ZNF599: variants seen among roughly 807,000 people sequenced by gnomAD.
ZNF599 encodes zinc finger protein 599.
In ZNF599, 10 loss-of-function variants were observed where a neutral mutation model predicts 11.7. The ratio of observed to expected loss-of-function variants is 0.86; its 90% CI spans 0.53 to 1.45. The LOEUF (loss-of-function observed/expected upper bound fraction) is 1.45, where lower values mean the gene tolerates loss of function less well. ZNF599 is among the 40% of genes most tolerant of loss of function. The pLI, the probability that ZNF599 is intolerant of heterozygous loss-of-function variation, is 0.00. For synonymous variants in ZNF599, 232 were observed against 253.2 expected (o/e 0.92, Z 0.79); for missense variants, 688 against 713.6 (o/e 0.96, Z 0.41).
chr19:34,807,420 C>T, the ZNF599 span, among the ~76,000 whole-genome samples: 9 of 152,228 alleles, frequency 5.9e-5, no homozygotes, highest in African/African-American at 1.9e-4. Flanking sequence ...AGCACTGACA[C>T]GAGATCACAA....
chr19:34,767,475 G>A, intron 2 of ZNF599, 64 bp from the exon 3 acceptor site: 2 of 1,290,312 alleles, frequency 1.6e-6, no homozygotes, highest in South Asian at 1.2e-5. Context: ...AGTCTGAGGT[G>A]TAAAGGAGTA....
the ZNF599 span, among the ~76,000 whole-genome samples, chr19:34,783,760 A>G: frequency 1.3e-5 from 2 of 152,170 alleles, no homozygotes; most frequent in African/African-American, 2.4e-5. Flanking sequence ...GATACAAACA[A>G]AAGGGCTCAG....
the ZNF599 span, among the ~76,000 whole-genome samples, chr19:34,794,716 A>G: frequency 5.9e-5 from 9 of 151,964 alleles, no homozygotes; most frequent in African/African-American, 1.9e-4. Context: ...GATTACAAGC[A>G]TGCATCACTA....
chr19:34,797,041 C>T, the ZNF599 span, among the ~76,000 whole-genome samples: 3 of 150,996 alleles, frequency 2.0e-5, no homozygotes, highest in Non-Finnish European at 4.4e-5. Flanking sequence ...TCAATTCCCA[C>T]CTATGAGTGA....
chr19:34,778,495 G>T, the ZNF599 span, among the ~76,000 whole-genome samples: 3 of 152,082 alleles, frequency 2.0e-5, no homozygotes, highest in African/African-American at 7.2e-5. Flanking sequence ...GTTTTATCAA[G>T]AAATAGATGT....
chr19:34,759,842 A>G lies in ZNF599; in HGVS notation c.959T>C (p.Phe320Ser). 1.2e-6 allele frequency: 2 copies of G among 1,614,170 alleles called. No homozygotes were observed. The highest frequency in any genetic ancestry group is 1.3e-5 in the African/African-American group (1 of 75,048). The part of the protein sequence containing the change: ...PFLCKECGKA[F>S]YYSSSFAQHM... ...TTGAGCAAATGAGGAGCTGTAGTAA[A>G]AAGCTTTCCCACATTCTTTGCATAA... The change falls in exon 4 of 4, where the codon TTT becomes TCT. Residue 320 changes from phenylalanine (F) to serine (S), a missense_variant. Phe to Ser is a radical substitution (Grantham distance 155, BLOSUM62 -2). Coordinates refer to ENST00000329285, the MANE Select transcript of ZNF599 (RefSeq NM_001007248.3).
At chr19:34,794,511 T>C in the ZNF599 span, among the ~76,000 whole-genome samples, 1 of 152,048 alleles carries the variant, frequency 6.6e-6, no homozygotes, top group Non-Finnish European at 1.5e-5. Context: ...AGAAAACAAG[T>C]CCCACTGATC....
the ZNF599 span, chr19:34,780,146 ATGTGTATGATGATTTCTGCCCTGGG>A: frequency 6.6e-6 from 1 of 152,336 alleles, no homozygotes; most frequent in African/African-American, 2.4e-5. Context: ...CACATACCAC[ATGTGTATGATGATTTCTGCCCTGGG>A]TGTGTTATTT....
At chr19:34,779,474 G>T in the ZNF599 span, 1 of 456,584 alleles carries the variant, frequency 2.2e-6, no homozygotes, top group Non-Finnish European at 4.4e-6. Context: ...TACTGAGGCT[G>T]GGGCTTTGGA....
chr19:34,769,560 G>A lies in ZNF599; in HGVS notation c.19-5C>T. 6.2e-7 allele frequency: 1 copy of A among 1,612,334 alleles called. No individual in the cohort carries two copies. Among genetic ancestry groups the A allele is most frequent in the Non-Finnish European group, 8.5e-7 (1 of 1,178,696 alleles). ...GTCTTCAAATGATACTAATGCCTGGGAAGTCAAACAGAGGTGACAGGTGGC... is the reference window on the plus strand; with the variant it reads ...GTCTTCAAATGATACTAATGCCTGGAAAGTCAAACAGAGGTGACAGGTGGC... On this transcript the variant is annotated splice_region_variant and splice_polypyrimidine_tract_variant and intron_variant, in intron 1 of 3. Coordinates refer to ENST00000329285, the MANE Select transcript of ZNF599 (RefSeq NM_001007248.3).
At chr19:34,787,943 C>T in the ZNF599 span, among the ~76,000 whole-genome samples, 1 of 152,166 alleles carries the variant, frequency 6.6e-6, no homozygotes, top group Non-Finnish European at 1.5e-5. Context: ...ATGGATTCAA[C>T]CAACTGTGGA....
chr19:34,764,913 G>A (rs1568493510), intron 3 of ZNF599: 1 of 151,940 alleles, frequency 6.6e-6, no homozygotes, highest in East Asian at 1.9e-4. Flanking sequence ...AAAAATAAGG[G>A]AAAAAATAAA....
chr19:34,760,279 T>C lies in ZNF599; in HGVS notation c.522A>G (p.Pro174=), dbSNP rs1335750663. 1.2e-5 allele frequency: 19 copies of C among 1,614,090 alleles called. No individual in the cohort carries two copies. The highest frequency in any genetic ancestry group is 4.5e-5 in the East Asian group (2 of 44,898). The part of the protein sequence containing the change: ...GLRVLQERVT[P]QDALHECDSQ... ...AGTCACACTCATGGAGAGCATCTTG[T>C]GGAGTGACTCGTTCCTGTAAAACCC... The change falls in exon 4 of 4, where the codon CCA becomes CCG. Residue 174 remains proline (P), a synonymous_variant. Coordinates refer to ENST00000329285, the MANE Select transcript of ZNF599 (RefSeq NM_001007248.3).
At chr19:34,785,534 A>C in the ZNF599 span, among the ~76,000 whole-genome samples, 1 of 152,134 alleles carries the variant, frequency 6.6e-6, no homozygotes, top group Non-Finnish European at 1.5e-5. Flanking sequence ...CTCTGGTAAC[A>C]TCAGTGACTC....
At chr19:34,763,925 C>A (rs1316822376) in intron 3 of ZNF599, 3 of 151,938 alleles carry the variant, frequency 2.0e-5, no homozygotes, top group Non-Finnish European at 4.4e-5. Context: ...ACTAAAAATA[C>A]AAAAAATTCA....
At chr19:34,787,264 CAT>C in the ZNF599 span, among the ~76,000 whole-genome samples, 1 of 139,280 alleles carries the variant, frequency 7.2e-6, no homozygotes, top group Non-Finnish European at 1.6e-5. Flanking sequence ...TCATCATCAT[CAT>C]CACAAGACAC....
At chr19:34,805,211 T>TA in the ZNF599 span, among the ~76,000 whole-genome samples, 3 of 150,780 alleles carry the variant, frequency 2.0e-5, no homozygotes, top group Admixed American at 2.0e-4. Flanking sequence ...TTTTTTTTTT[T>TA]TTTTTGAGAC....
chr19:34,761,156 C>T (rs2069110949), intron 3 of ZNF599, among the ~76,000 whole-genome samples: 1 of 151,992 alleles, frequency 6.6e-6, no homozygotes, highest in South Asian at 2.1e-4. Context: ...GAAAGGCAGG[C>T]AGAGACAGAG....
chr19:34,789,755 T>C, the ZNF599 span, among the ~76,000 whole-genome samples: 1 of 152,246 alleles, frequency 6.6e-6, no homozygotes, highest in East Asian at 1.9e-4. Flanking sequence ...TATTAACTCC[T>C]TATCAAATGT....
Sources: allele counts gnomAD v4.1 joint callset (sites outside exome capture counted in the v4.1 genomes callset), GRCh38; gene constraint gnomAD v4.1.1; transcripts MANE v1.5; gene names NCBI Gene and HGNC (gene_info 2026-07-23, HGNC 2026-07-21).